ANGPT1: variants seen among roughly 807,000 people sequenced by gnomAD.
ANGPT1 encodes the protein angiopoietin 1.
ANGPT1 carries 17 observed loss-of-function variants against 62.2 expected under a neutral mutation model. The ratio of observed to expected loss-of-function variants is 0.27; its 90% CI spans 0.19 to 0.41. The LOEUF (loss-of-function observed/expected upper bound fraction) is 0.41, where lower values mean the gene tolerates loss of function less well. Ranked by LOEUF, ANGPT1 falls within the 10% of genes least tolerant of loss-of-function variation. ANGPT1 has a pLI of 1.00. For missense variants in ANGPT1, 478 were observed against 594.9 expected (o/e 0.80, Z 2.04); for synonymous variants, 199 against 198.9 (o/e 1.00, Z 0.00).
At chr8:107,491,606 T>G (rs1586367333) in intron 1 of ANGPT1, among the ~76,000 whole-genome samples, 2 of 152,092 alleles carry the variant, frequency 1.3e-5, no homozygotes, top group Admixed American at 1.3e-4. Flanking sequence ...AAACAGCTTG[T>G]AAAGTCCCTG....
chr8:107,256,933 C>T (rs1258729162), intron 8 of ANGPT1, among the ~76,000 whole-genome samples: 2 of 151,880 alleles, frequency 1.3e-5, no homozygotes, highest in Admixed American at 1.3e-4. Flanking sequence ...CTTGGCTCAC[C>T]GCAACCTCCG....
intron 4 of ANGPT1, among the ~76,000 whole-genome samples, chr8:107,316,219 C>T (rs904626028): frequency 6.6e-5 from 10 of 152,130 alleles, no homozygotes; most frequent in African/African-American, 2.2e-4. Flanking sequence ...TTAATATGGA[C>T]CTTACTATTT....
intron 6 of ANGPT1, among the ~76,000 whole-genome samples, chr8:107,287,713 T>A (rs1044511423): frequency 3.5e-4 from 54 of 152,160 alleles, no homozygotes; most frequent in Non-Finnish European, 1.9e-4. Context: ...TTGGCTTGGA[T>A]GAAATAACCT....
At chr8:107,370,353 A>G (rs562148926) in intron 1 of ANGPT1, among the ~76,000 whole-genome samples, 2 of 24,484 alleles carry the variant, frequency 8.2e-5, no homozygotes, top group Non-Finnish European at 1.4e-4. Context: ...AGAAAGAAAG[A>G]AAGAAAGAAA....
At chr8:107,474,643 T>G (rs1812461969) in intron 1 of ANGPT1, among the ~76,000 whole-genome samples, 1 of 152,142 alleles carries the variant, frequency 6.6e-6, no homozygotes, top group Non-Finnish European at 1.5e-5. Flanking sequence ...GAAGTCAAAT[T>G]GTCCGTGTTT....
rs1371396961 is a variant in ANGPT1, at chr8:107,257,876, G to GTTTTTTTTTTTTTTTTTTTTTTT, written c.1337-5862_1337-5861insAAAAAAAAAAAAAAAAAAAAAAA. 3.4e-4 allele frequency among the ~76,000 whole-genome samples: 29 copies of GTTTTTTTTTTTTTTTTTTTTTTT among 85,294 alleles called. 2 individuals are homozygous for GTTTTTTTTTTTTTTTTTTTTTTT. The highest frequency in any genetic ancestry group is 8.6e-4 in the South Asian group (2 of 2,322). 56.0% of individuals were successfully genotyped at this position (85,294 alleles called of 152,430 possible). ...CTCTTCAGGCCAAGGACTTGTTTTT[G>GTTTTTTTTTTTTTTTTTTTTTTT]TTTCTTTTTTGTTTGTTTGTTTGTT... On this transcript the variant is annotated intron_variant, in intron 8 of 8. Transcript: ENST00000517746.
intron 1 of ANGPT1, among the ~76,000 whole-genome samples, chr8:107,413,116 C>T (rs1810633730): frequency 6.6e-6 from 1 of 152,126 alleles, no homozygotes; most frequent in African/African-American, 2.4e-5. Context: ...GATAAGTTTA[C>T]TCAGCCCTGG....
chr8:107,266,164 G>C (rs1290585537), intron 7 of ANGPT1, among the ~76,000 whole-genome samples: 2 of 152,194 alleles, frequency 1.3e-5, no homozygotes, highest in Non-Finnish European at 2.9e-5. Context: ...ATTCACATTT[G>C]AGGCTGCAGC....
At chr8:107,262,682 A>G (rs995074720) in intron 8 of ANGPT1, among the ~76,000 whole-genome samples, 2 of 152,234 alleles carry the variant, frequency 1.3e-5, no homozygotes, top group Non-Finnish European at 2.9e-5. Flanking sequence ...TAAGACAGAA[A>G]GTATATCAGA....
chr8:107,351,602 C>A (rs527675977), intron 1 of ANGPT1, among the ~76,000 whole-genome samples: 3 of 151,366 alleles, frequency 2.0e-5, no homozygotes, highest in East Asian at 1.9e-4. Flanking sequence ...ATATTTATTC[C>A]TTTGAGAAAA....
intron 7 of ANGPT1, among the ~76,000 whole-genome samples, chr8:107,281,141 T>C (rs543510119): frequency 2.0e-5 from 3 of 152,288 alleles, no homozygotes; most frequent in East Asian, 1.9e-4. Flanking sequence ...TACATGCACA[T>C]TTATAAGCTC....
rs150675835 is a variant in ANGPT1, at chr8:107,454,641, C to T, written c.297+42621G>A. Among the ~76,000 whole-genome samples, 126 of 152,130 alleles carry T rather than the reference C, an allele frequency of 8.3e-4. 1 individual carries two copies. The South Asian group carries it at 0.021, about 26-fold the overall frequency. On this transcript the variant is annotated intron_variant, in intron 1 of 8. Coordinates refer to ENST00000517746, the MANE Select transcript of ANGPT1 (RefSeq NM_001146.5). The stretch of plus-strand genomic sequence containing the variant: ...CAGCAATCTAAACAACCCGCTAATG[C>T]GCTGAGATGTAATGCAAACCCTAAG...
At chr8:107,289,008 C>T (rs1358562287) in intron 6 of ANGPT1, among the ~76,000 whole-genome samples, 1 of 152,074 alleles carries the variant, frequency 6.6e-6, no homozygotes, top group Non-Finnish European at 1.5e-5. Flanking sequence ...TAAACAATTA[C>T]AATACAATTT....
chr8:107,484,673 T>C (rs1319171777), intron 1 of ANGPT1, among the ~76,000 whole-genome samples: 1 of 152,194 alleles, frequency 6.6e-6, no homozygotes, highest in Admixed American at 6.5e-5. Flanking sequence ...CCGAAAGTGA[T>C]GGATTACAGA....
At chr8:107,410,306 A>C (rs1009670359) in intron 1 of ANGPT1, among the ~76,000 whole-genome samples, 26 of 152,164 alleles carry the variant, frequency 1.7e-4, no homozygotes, top group Non-Finnish European at 3.2e-4. Context: ...CTAGTGTCCC[A>C]CTGCAATTGG....
chr8:107,409,929 T>C (rs1200731833), intron 1 of ANGPT1, among the ~76,000 whole-genome samples: 1 of 146,022 alleles, frequency 6.8e-6, no homozygotes, highest in Admixed American at 7.0e-5. Context: ...GTAATAAATA[T>C]ATGTGATGAA....
At chr8:107,414,617 A>G (rs118177085) in intron 1 of ANGPT1, among the ~76,000 whole-genome samples, 76 of 152,318 alleles carry the variant, frequency 5.0e-4, no homozygotes, top group Non-Finnish European at 9.6e-4. Flanking sequence ...CAGAGAAAGC[A>G]AGTATGGGGA....
intron 1 of ANGPT1, among the ~76,000 whole-genome samples, chr8:107,355,747 A>G (rs1374393600): frequency 1.3e-5 from 2 of 152,058 alleles, no homozygotes; most frequent in Middle Eastern, 3.2e-3. Flanking sequence ...CCTCTCATCA[A>G]TCTTCTCTCT....
At chr8:107,464,531 A>T (rs1207316847) in intron 1 of ANGPT1, among the ~76,000 whole-genome samples, 1 of 152,126 alleles carries the variant, frequency 6.6e-6, no homozygotes, top group Non-Finnish European at 1.5e-5. Flanking sequence ...TAATACTATG[A>T]TCAAAGCCTA....
Sources: allele counts gnomAD v4.1 joint callset (sites outside exome capture counted in the v4.1 genomes callset), GRCh38; gene constraint gnomAD v4.1.1; transcripts MANE v1.5; gene names NCBI Gene and HGNC (gene_info 2026-07-23, HGNC 2026-07-21).